Variants in ZSWIM6 observed in about 807,000 individuals in gnomAD.
ZSWIM6 encodes the protein zinc finger SWIM domain-containing protein 6.
A neutral mutation model predicts 113.2 loss-of-function variants in ZSWIM6; 9 were observed. The observed-to-expected ratio is 0.08, with a 90% CI of 0.05 to 0.14. The LOEUF is 0.14. ZSWIM6 is among the 10% of genes least tolerant of loss of function. ZSWIM6 has a pLI of 1.00. For missense variants in ZSWIM6, 1,162 were observed against 1,552.2 expected, an observed-to-expected ratio of 0.75 and a Z score of 4.22; for synonymous variants, 611 against 606.5, an observed-to-expected ratio of 1.01 and a Z score of -0.11.
chr5:61,420,491 A>T (rs1463127262), intron 1 of ZSWIM6, among the ~76,000 whole-genome samples: 5 of 148,596 alleles, frequency 3.4e-5, no homozygotes, highest in East Asian at 2.0e-4. Flanking sequence ...CCAGAACACA[A>T]TTTTTTTTTT....
In ZSWIM6 at chr5:61,543,350, C is replaced by A; in HGVS notation, c.2786-105C>A. The A allele has an allele frequency of 7.4e-7, 1 of 1,344,788 alleles. No individual in the cohort carries two copies. Among genetic ancestry groups the A allele is most frequent in the Non-Finnish European group, 9.9e-7 (1 of 1,008,996 alleles). 83.3% of individuals were successfully genotyped at this position (1,344,788 alleles called of 1,614,324 possible). ...CAGGATTTTCTAGCCTAGCTCATGT[C>A]CTATGATGGTTAACAATGTAAACAC... On this transcript the variant is annotated intron_variant, in intron 13 of 13. Transcript: ENST00000252744. This position sits in a 1 kb window ranked among gnomAD's most constrained non-coding sequence, Gnocchi z 4.3.
intron 2 of ZSWIM6, among the ~76,000 whole-genome samples, chr5:61,476,621 T>C (rs1280044419): frequency 6.6e-6 from 1 of 152,222 alleles, no homozygotes; most frequent in East Asian, 1.9e-4. Flanking sequence ...CTCTTGGTTT[T>C]ATATTCTAAT....
intron 1 of ZSWIM6, among the ~76,000 whole-genome samples, chr5:61,424,092 GA>G (rs979090523): frequency 3.3e-5 from 5 of 152,232 alleles, no homozygotes; most frequent in African/African-American, 1.2e-4. Context: ...CAAAGAAGGG[GA>G]CAAAGACTGT....
chr5:61,424,597 C>T (rs1281167629), intron 1 of ZSWIM6, among the ~76,000 whole-genome samples: 1 of 152,202 alleles, frequency 6.6e-6, no homozygotes, highest in African/African-American at 2.4e-5. Flanking sequence ...GAAGAGCAAG[C>T]TTCACTTTTG....
At position 61,483,965 on chromosome 5, in the gene ZSWIM6, A is replaced by G. The variant is rs191689401; in HGVS notation, c.1034-6821A>G. 2.0e-3 allele frequency among the ~76,000 whole-genome samples: 303 copies of G among 152,054 alleles called. 3 individuals carry two copies. The highest frequency in any genetic ancestry group is 7.0e-3 in the African/African-American group (290 of 41,520). ...TATCCAATTTTAAGGAAAAATATAC[A>G]TTGTGTAATTCAAGTTAAGAGTAAT... On this transcript the variant is annotated intron_variant, in intron 2 of 13. Transcript: ENST00000252744.
At chr5:61,391,641 G>T in intron 1 of ZSWIM6, 1 of 963,082 alleles carries the variant, frequency 1.0e-6, no homozygotes, top group Non-Finnish European at 1.7e-6. Context: ...TCTCCACAAT[G>T]GTCACAGCCT....
intron 1 of ZSWIM6, among the ~76,000 whole-genome samples, chr5:61,376,477 T>G (rs891743685): frequency 2.0e-4 from 29 of 146,758 alleles, no homozygotes; most frequent in African/African-American, 6.8e-4. Context: ...TGCCCTTTAC[T>G]GAGCTTAGTG....
intron 4 of ZSWIM6, among the ~76,000 whole-genome samples, chr5:61,507,884 T>G (rs1245240503): frequency 6.6e-6 from 1 of 152,212 alleles, no homozygotes; most frequent in East Asian, 1.9e-4. Context: ...TCATTTATTT[T>G]GGAATTCATA....
chr5:61,489,313 A>G (rs921965708), intron 2 of ZSWIM6, among the ~76,000 whole-genome samples: 4 of 152,068 alleles, frequency 2.6e-5, no homozygotes, highest in African/African-American at 9.7e-5. Context: ...CTCTGATGAT[A>G]GAGTCTTCCA....
chr5:61,336,213 A>G (rs2112019860), intron 1 of ZSWIM6, among the ~76,000 whole-genome samples: 1 of 152,196 alleles, frequency 6.6e-6, no homozygotes, highest in East Asian at 1.9e-4. Context: ...GCGGTGAGCT[A>G]AGATCGTACC....
chr5:61,508,061 C>G (rs1445468370), intron 4 of ZSWIM6, among the ~76,000 whole-genome samples: 1 of 152,168 alleles, frequency 6.6e-6, no homozygotes, highest in Admixed American at 6.6e-5. Flanking sequence ...CTACTTCTCT[C>G]TGCACATCAG....
At chr5:61,431,395 A>T (rs1746577246) in intron 1 of ZSWIM6, among the ~76,000 whole-genome samples, 1 of 150,640 alleles carries the variant, frequency 6.6e-6, no homozygotes, top group Non-Finnish European at 1.5e-5. Flanking sequence ...AAAAAAAAAA[A>T]AAATCATCTT....
chr5:61,385,426 G>T (rs1190197188), intron 1 of ZSWIM6, among the ~76,000 whole-genome samples: 2 of 152,152 alleles, frequency 1.3e-5, no homozygotes, highest in South Asian at 2.1e-4. Context: ...TAAATGAGAA[G>T]AATAATGAAA....
intron 1 of ZSWIM6, among the ~76,000 whole-genome samples, chr5:61,462,885 A>G (rs778386862): frequency 6.6e-6 from 1 of 152,218 alleles, no homozygotes; most frequent in Non-Finnish European, 1.5e-5. Context: ...TTGTTTTAAA[A>G]AGTGCTAATT....
chr5:61,352,818 C>T lies in ZSWIM6; in HGVS notation c.676+19870C>T, dbSNP rs187774305. On this transcript the variant is annotated intron_variant, in intron 1 of 13. Coordinates refer to ENST00000252744, the MANE Select transcript of ZSWIM6 (RefSeq NM_020928.2). ...AAAAACCAAACAGTCCTGTTTGCAG[C>T]CAAAGATTGCAAGATGGTGGTAGGT... 7.9e-5 allele frequency among the ~76,000 whole-genome samples: 12 copies of T among 152,290 alleles called. No individual in the cohort carries two copies. The East Asian group carries it at 2.3e-3, about 29-fold the overall frequency.
intron 1 of ZSWIM6, among the ~76,000 whole-genome samples, chr5:61,427,773 G>T (rs891470838): frequency 5.3e-5 from 8 of 152,038 alleles, no homozygotes; most frequent in African/African-American, 1.9e-4. Flanking sequence ...GTGCCACCAT[G>T]CCAGGATCCC....
At chr5:61,381,817 A>G (rs1450611854) in intron 1 of ZSWIM6, among the ~76,000 whole-genome samples, 2 of 152,224 alleles carry the variant, frequency 1.3e-5, no homozygotes, top group African/African-American at 4.8e-5. Flanking sequence ...ACAGTGCATT[A>G]TATAGTAGTT....
At chr5:61,377,671 C>G (rs960246607) in intron 1 of ZSWIM6, among the ~76,000 whole-genome samples, 1 of 151,294 alleles carries the variant, frequency 6.6e-6, no homozygotes, top group Non-Finnish European at 1.5e-5. Context: ...GAGCCAAGAT[C>G]ACACCACTGC....
At chr5:61,503,843 G>A (rs16891900) in intron 4 of ZSWIM6, among the ~76,000 whole-genome samples, 9,815 of 152,148 alleles carry the variant, frequency 0.065, 1,041 homozygotes, top group African/African-American at 0.22. Context: ...TAGTAGTATC[G>A]TCAGTTATTG....
Sources: gnomAD v4.1 joint callset for allele counts (sites outside exome capture counted in the v4.1 genomes callset) on GRCh38, gnomAD v4.1.1 for gene constraint, Gnocchi (gnomAD v3.1) non-coding constraint, MANE v1.5 for transcripts, NCBI Gene and HGNC (gene_info 2026-07-23, HGNC 2026-07-21) for gene names.